ESRRB: variants seen among roughly 807,000 people sequenced by gnomAD.
ESRRB encodes steroid hormone receptor ERR2.
In ESRRB, 16 loss-of-function variants were observed where a neutral mutation model predicts 46.0. That is an observed-to-expected ratio of 0.35 (90% CI 0.24 to 0.53). The LOEUF (loss-of-function observed/expected upper bound fraction) is 0.53. Ranked by LOEUF, ESRRB falls within the 20% of genes least tolerant of loss-of-function variation. The probability of loss-of-function intolerance (pLI) is 0.93; values close to 1 mark genes in which losing one functional copy is unlikely to be tolerated. For synonymous variants in ESRRB, 246 were observed against 259.6 expected, an observed-to-expected ratio of 0.95 and a Z score of 0.50; for missense variants, 488 against 607.4, an observed-to-expected ratio of 0.80 and a Z score of 2.07.
intron 1 of ESRRB, among the ~76,000 whole-genome samples, chr14:76,438,027 G>A (rs1887748941): frequency 2.6e-5 from 4 of 152,162 alleles, no homozygotes; most frequent in Admixed American, 2.6e-4. Flanking sequence ...CAGGGTTGGG[G>A]TTAGAATGCT....
rs1890528500 is a variant in ESRRB, at chr14:76,498,588, G to T, written c.*130G>T. 4.4e-6 allele frequency: 6 copies of T among 1,349,982 alleles called. No homozygotes were observed. Among genetic ancestry groups the T allele is most frequent in the Non-Finnish European group, 5.8e-6 (6 of 1,028,788 alleles). 83.6% of individuals were successfully genotyped at this position (1,349,982 alleles called of 1,614,324 possible). On this transcript the variant is annotated 3_prime_UTR_variant, in exon 7 of 7. Transcript: ENST00000644823. The stretch of plus-strand genomic sequence containing the variant: ...GCTCTGAGCTGTCCCAGAGGCGGGG[G>T]TTTCTCACCTCCTGGCTGTGTGCAG...
At chr14:76,330,853 A>C (rs1316685730) in intron 1 of ESRRB, among the ~76,000 whole-genome samples, 1 of 152,036 alleles carries the variant, frequency 6.6e-6, no homozygotes, top group Non-Finnish European at 1.5e-5. Context: ...GAATCTGGGA[A>C]TGCAGGGTGG....
At position 76,423,236 on chromosome 14, in the gene ESRRB, C is replaced by T. The variant is rs569312886; in HGVS notation, c.51-16105C>T. On this transcript the variant is annotated intron_variant, in intron 1 of 6. Coordinates refer to ENST00000644823, the MANE Select transcript of ESRRB (RefSeq NM_001379180.1). ...TCGGCTCACTGCATCCTCTGCCTCCCGCGCTCAAGAAATTCTCACACCTCA... is the reference window on the plus strand; with the variant it reads ...TCGGCTCACTGCATCCTCTGCCTCCTGCGCTCAAGAAATTCTCACACCTCA... 3.3e-5 allele frequency among the ~76,000 whole-genome samples: 5 copies of T among 151,210 alleles called. No individual in the cohort carries two copies. The East Asian group carries it at 5.8e-4, about 18-fold the overall frequency.
upstream of ESRRB, among the ~76,000 whole-genome samples, chr14:76,374,448 G>A (rs1884697169): frequency 2.0e-5 from 3 of 152,162 alleles, no homozygotes; most frequent in Non-Finnish European, 4.4e-5. Context: ...AGGAACAGAG[G>A]GACCTGCAGG....
At chr14:76,395,096 C>T (rs1390283269) in intron 1 of ESRRB, among the ~76,000 whole-genome samples, 1 of 151,398 alleles carries the variant, frequency 6.6e-6, no homozygotes, top group Non-Finnish European at 1.5e-5. Flanking sequence ...AGGAGCTCTC[C>T]GTTTCCGACA....
At chr14:76,447,786 T>G (rs8008254) in intron 2 of ESRRB, among the ~76,000 whole-genome samples, 14,265 of 152,110 alleles carry the variant, frequency 0.094, 1,180 homozygotes, top group African/African-American at 0.22. Context: ...TTCAGATCAC[T>G]TGACCCAGCA....
intron 3 of ESRRB, among the ~76,000 whole-genome samples, chr14:76,469,654 G>A (rs988568757): frequency 6.6e-6 from 1 of 151,810 alleles, no homozygotes; most frequent in African/African-American, 2.4e-5. Flanking sequence ...GGATGACAGG[G>A]GTGGGTCACC....
intron 1 of ESRRB, among the ~76,000 whole-genome samples, chr14:76,432,396 A>C (rs1887485460): frequency 6.6e-6 from 1 of 152,214 alleles, no homozygotes; most frequent in South Asian, 2.1e-4. Context: ...AGAGGCCTGG[A>C]GAACCTTTGC....
chr14:76,336,417 C>T (rs886805589), intron 1 of ESRRB, among the ~76,000 whole-genome samples: 2 of 152,236 alleles, frequency 1.3e-5, no homozygotes, highest in African/African-American at 4.8e-5. Flanking sequence ...TAATAGAGAG[C>T]AGGCAGCAGA....
intron 1 of ESRRB, among the ~76,000 whole-genome samples, chr14:76,365,807 A>G (rs74639969): frequency 0.16 from 23,716 of 152,216 alleles, 2,113 homozygotes; most frequent in Middle Eastern, 0.24. Context: ...GGAGTATTTT[A>G]TCATTGACAT....
chr14:76,425,946 C>T (rs1208081868), intron 1 of ESRRB, among the ~76,000 whole-genome samples: 2 of 152,160 alleles, frequency 1.3e-5, no homozygotes, highest in Non-Finnish European at 2.9e-5. Flanking sequence ...GCCACCACAC[C>T]CAGCCCTCCC....
At chr14:76,401,126 T>C (rs1156238724) in intron 1 of ESRRB, among the ~76,000 whole-genome samples, 1 of 152,228 alleles carries the variant, frequency 6.6e-6, no homozygotes, top group African/African-American at 2.4e-5. Context: ...GAAAAGGCAC[T>C]AAACATCCTG....
chr14:76,420,865 C>T lies in ESRRB; in HGVS notation c.51-18476C>T, dbSNP rs188761651. 2.2e-3 allele frequency among the ~76,000 whole-genome samples: 332 copies of T among 152,268 alleles called. 1 individual carries two copies. The highest frequency in any genetic ancestry group is 7.8e-3 in the African/African-American group (323 of 41,558). ...TTGCAGACCACCCTCACACACCCCA[C>T]CTGTGCACATGGATGACATGGCCCT... On this transcript the variant is annotated intron_variant, in intron 1 of 6. Transcript: ENST00000644823.
Position 76,482,901 on chromosome 14 carries a change from C to A in ESRRB, c.850+142C>A. On this transcript the variant is annotated intron_variant, in intron 5 of 6. Transcript: ENST00000644823. This position sits in a 1 kb window ranked among gnomAD's most constrained non-coding sequence, Gnocchi z 4.3. ...ATCCTGGCAGGCCTGTTTCTCTGAG[C>A]TCCTCTTCTCTCCTTGTAGCATTGG... The A allele has an allele frequency of 3.3e-6, 3 of 913,040 alleles. No homozygotes were observed. Among genetic ancestry groups the A allele is most frequent in the Non-Finnish European group, 5.2e-6 (3 of 577,792 alleles). 56.6% of individuals were successfully genotyped at this position (913,040 alleles called of 1,614,324 possible).
Position 76,498,856 on chromosome 14 carries a change from G to C in ESRRB, c.*398G>C, listed in dbSNP as rs1437098477. 1.8e-6 allele frequency: 1 copy of C among 544,528 alleles called. No individual in the cohort carries two copies. The highest frequency in any genetic ancestry group is 1.4e-5 in the South Asian group (1 of 71,614). 33.7% of individuals were successfully genotyped at this position (544,528 alleles called of 1,614,324 possible). ...TTGCCCCCTCCCCCATCTGTGGCCT[G>C]GGTGGGCACTGCTCAGGCTGGATAC... On this transcript the variant is annotated 3_prime_UTR_variant, in exon 7 of 7. Transcript: ENST00000644823.
chr14:76,333,564 G>T lies in ESRRB; in HGVS notation c.2+22648G>T, dbSNP rs1390395081. Among the ~76,000 whole-genome samples the T allele has an allele frequency of 2.7e-5, 4 of 145,754 alleles. No individual in the cohort carries two copies. In the East Asian group the frequency reaches 7.8e-4, roughly 28 times the overall value. On this transcript the variant is annotated intron_variant, in intron 1 of 6. Transcript: ENST00000512784. The stretch of plus-strand genomic sequence containing the variant: ...GCTGGTCTCAAACTCCTGAGTTCAA[G>T]CAATCCTCCTGTCTTTGCTTCCCAA...
chr14:76,313,293 T>C (rs760135057), intron 1 of ESRRB, among the ~76,000 whole-genome samples: 1 of 146,356 alleles, frequency 6.8e-6, no homozygotes, highest in Non-Finnish European at 1.5e-5. Flanking sequence ...TAATTTTATG[T>C]GGTTTGAGCT....
At chr14:76,384,655 C>T (rs1000973662) in intron 1 of ESRRB, among the ~76,000 whole-genome samples, 5 of 152,168 alleles carry the variant, frequency 3.3e-5, no homozygotes, top group Middle Eastern at 3.2e-3. Context: ...GGCTTCTATG[C>T]CCCGTGCCAT....
chr14:76,447,164 C>T (rs571355055), intron 2 of ESRRB, among the ~76,000 whole-genome samples: 2 of 152,238 alleles, frequency 1.3e-5, no homozygotes, highest in South Asian at 4.2e-4. Flanking sequence ...GGCTTTGAAT[C>T]CTACCTCCTT....
Sources: allele counts gnomAD v4.1 joint callset (sites outside exome capture counted in the v4.1 genomes callset), GRCh38; gene constraint gnomAD v4.1.1; non-coding constraint Gnocchi (gnomAD v3.1); transcripts MANE v1.5; gene names NCBI Gene and HGNC (gene_info 2026-07-23, HGNC 2026-07-21).